The following ABHD3 variants were observed in gnomAD, a reference collection of about 807,000 sequenced individuals.
ABHD3 encodes the protein abhydrolase domain containing 3, phospholipase.
In ABHD3, 46 loss-of-function variants were observed where a neutral mutation model predicts 48.8. The ratio of observed to expected loss-of-function variants is 0.94; its 90% CI spans 0.74 to 1.20. The LOEUF is 1.20. ABHD3 is among the 50% of genes most tolerant of loss of function. The probability of loss-of-function intolerance (pLI) is 0.00; values close to 1 mark genes in which losing one functional copy is unlikely to be tolerated. For synonymous variants in ABHD3, 192 were observed against 183.7 expected, an observed-to-expected ratio of 1.04 and a Z score of -0.36; for missense variants, 490 against 497.8, an observed-to-expected ratio of 0.98 and a Z score of 0.15.
intron 4 of ABHD3, among the ~76,000 whole-genome samples, chr18:21,666,256 C>T (rs150921973): frequency 5.9e-5 from 9 of 152,136 alleles, no homozygotes; most frequent in Non-Finnish European, 1.0e-4. Context: ...TGCTGTGGCG[C>T]GATCTTGGCT....
At chr18:21,672,002 CATTA>C in intron 4 of ABHD3, among the ~76,000 whole-genome samples, 1 of 152,064 alleles carries the variant, frequency 6.6e-6, no homozygotes, top group East Asian at 1.9e-4. Flanking sequence ...AATGAAATAT[CATTA>C]ATTACTATTA....
intron 4 of ABHD3, among the ~76,000 whole-genome samples, chr18:21,667,225 C>T (rs543982364): frequency 6.8e-6 from 1 of 147,068 alleles, no homozygotes; most frequent in Non-Finnish European, 1.5e-5. Context: ...AGGCGCCCAC[C>T]ACCACACCCT....
At chr18:21,673,399 T>C (rs1435772146) in intron 4 of ABHD3, among the ~76,000 whole-genome samples, 1 of 151,904 alleles carries the variant, frequency 6.6e-6, no homozygotes, top group South Asian at 2.1e-4. Context: ...GTTCAAGCGA[T>C]TCTCCTGCCT....
intron 4 of ABHD3, among the ~76,000 whole-genome samples, chr18:21,670,551 G>A (rs1209311880): frequency 1.3e-5 from 2 of 152,178 alleles, no homozygotes; most frequent in Non-Finnish European, 2.9e-5. Context: ...ATGACGCCGA[G>A]CAATCCTTCC....
chr18:21,687,052 G>A (rs946582221), intron 3 of ABHD3, among the ~76,000 whole-genome samples: 1 of 151,784 alleles, frequency 6.6e-6, no homozygotes. Flanking sequence ...GGGACTACAG[G>A]GGCATGCCAC....
intron 4 of ABHD3, among the ~76,000 whole-genome samples, chr18:21,678,454 T>C (rs1271566774): frequency 6.6e-6 from 1 of 152,118 alleles, no homozygotes; most frequent in Non-Finnish European, 1.5e-5. Context: ...TAACTTTACA[T>C]AGGATCTATA....
chr18:21,674,105 GT>G (rs2039819892), intron 4 of ABHD3, among the ~76,000 whole-genome samples: 2 of 152,140 alleles, frequency 1.3e-5, no homozygotes, highest in South Asian at 4.1e-4. Context: ...ATTCCTTGAA[GT>G]GTATGGGGAA....
At chr18:21,702,632 T>C in intron 2 of ABHD3, 134 bp from the exon 3 acceptor site, 1 of 695,430 alleles carries the variant, frequency 1.4e-6, no homozygotes. Flanking sequence ...CACACCCATA[T>C]CTCGATCTAC....
chr18:21,677,048 CTTAGGTGACCA>C (rs2039898533), intron 4 of ABHD3, among the ~76,000 whole-genome samples: 1 of 152,120 alleles, frequency 6.6e-6, no homozygotes, highest in Non-Finnish European at 1.5e-5. Context: ...CACCTCAAGC[CTTAGGTGACCA>C]TTAATCTACT....
chr18:21,658,380 AT>A (rs1291440006), intron 6 of ABHD3, among the ~76,000 whole-genome samples: 1 of 152,192 alleles, frequency 6.6e-6, no homozygotes, highest in Non-Finnish European at 1.5e-5. Context: ...AAGGAGCTGT[AT>A]TATTCAGCAA....
intron 3 of ABHD3, among the ~76,000 whole-genome samples, chr18:21,693,090 ATCT>A (rs2040289136): frequency 6.6e-6 from 1 of 152,170 alleles, no homozygotes; most frequent in Non-Finnish European, 1.5e-5. Context: ...TTGGAGTGGC[ATCT>A]TCTTCGTATT....
Position 21,651,697 on chromosome 18 carries a change from T to G in ABHD3, c.1124A>C (p.His375Pro), listed in dbSNP as rs758516579. 1.9e-6 allele frequency: 3 copies of G among 1,611,644 alleles called. No individual in the cohort carries two copies. Among genetic ancestry groups the G allele is most frequent in the Non-Finnish European group, 2.5e-6 (3 of 1,179,106 alleles). ...CCAGATTCCCTCCAGAAAACCAATA[T>G]GGCCTCCATAAGAAGTAAGGACCAA... ...VALVLTSYGG[H>P]IGFLEGIWPR... is the part of the protein sequence containing the mutation. Residue 375 changes from histidine (H) to proline (P), a missense_variant, in exon 9 of 9, where the codon CAT becomes CCT. By Grantham distance (77) the His-to-Pro change is moderately conservative. Transcript: ENST00000289119.
intron 4 of ABHD3, among the ~76,000 whole-genome samples, chr18:21,665,231 C>T (rs1195208464): frequency 1.3e-5 from 2 of 151,852 alleles, no homozygotes; most frequent in Admixed American, 1.3e-4. Context: ...AGGTATGAGC[C>T]ACCACGTCTG....
intron 2 of ABHD3, 32 bp downstream of exon 2, chr18:21,703,552 G>T: frequency 6.3e-7 from 1 of 1,589,480 alleles, no homozygotes; most frequent in Non-Finnish European, 8.6e-7. Flanking sequence ...CTGTGATTTT[G>T]CAGAAATGAC....
chr18:21,651,796 G>C, intron 8 of ABHD3, 33 bp from the exon 9 acceptor site: 1 of 1,485,698 alleles, frequency 6.7e-7, no homozygotes, highest in South Asian at 1.4e-5. Flanking sequence ...CAATAAGAGA[G>C]AAGAAGGAGA....
At chr18:21,695,401 A>G (rs1404016267) in intron 3 of ABHD3, among the ~76,000 whole-genome samples, 1 of 152,144 alleles carries the variant, frequency 6.6e-6, no homozygotes, top group African/African-American at 2.4e-5. Flanking sequence ...TGGTGTGCAC[A>G]ATTGCTGGGC....
chr18:21,662,741 T>A (rs1021471698), intron 5 of ABHD3, among the ~76,000 whole-genome samples: 4 of 152,176 alleles, frequency 2.6e-5, no homozygotes, highest in African/African-American at 9.7e-5. Flanking sequence ...GTCTAACAGT[T>A]CACAAGACAT....
intron 5 of ABHD3, chr18:21,663,606 T>C: frequency 6.9e-7 from 1 of 1,446,388 alleles, no homozygotes. Context: ...TAACAAAATT[T>C]CAGTTTCTAG....
chr18:21,670,045 T>C (rs1369447348), intron 4 of ABHD3, among the ~76,000 whole-genome samples: 7 of 152,124 alleles, frequency 4.6e-5, no homozygotes, highest in Admixed American at 4.6e-4. Flanking sequence ...CTTGGGATAG[T>C]CTGGGAGACT....
Sources: gnomAD v4.1 joint callset for allele counts (sites outside exome capture counted in the v4.1 genomes callset) on GRCh38, gnomAD v4.1.1 for gene constraint, MANE v1.5 for transcripts, NCBI Gene and HGNC (gene_info 2026-07-23, HGNC 2026-07-21) for gene names.